Variants in PRC1 observed in about 807,000 individuals in gnomAD.
The protein encoded by PRC1 is anaphase spindle elongation 1 homolog.
A neutral mutation model predicts 91.2 loss-of-function variants in PRC1; 54 were observed. That is an observed-to-expected ratio of 0.59 (90% CI 0.48 to 0.74). The LOEUF (loss-of-function observed/expected upper bound fraction) is 0.74, where lower values mean the gene tolerates loss of function less well. Among genes scored for constraint, PRC1 ranks in the 30% least tolerant of loss-of-function variants. The pLI is 0.00. For synonymous variants in PRC1, 275 were observed against 263.6 expected, an observed-to-expected ratio of 1.04 and a Z score of -0.42; for missense variants, 727 against 746.2, an observed-to-expected ratio of 0.97 and a Z score of 0.30.
At chr15:90,967,590 C>A (rs1238586911) in intron 14 of PRC1, 1 of 165,806 alleles carries the variant, frequency 6.0e-6, no homozygotes, top group Non-Finnish European at 1.3e-5. Flanking sequence ...TACACAAATA[C>A]TTACCATTGC....
At chr15:90,976,638 T>G in intron 9 of PRC1, 38 bp downstream of exon 9, 2 of 1,485,032 alleles carry the variant, frequency 1.3e-6, no homozygotes, top group Non-Finnish European at 1.9e-6. Context: ...GAGGTATCTT[T>G]GTAACCAAGC....
chr15:90,989,607 A>C (rs1294733651), intron 1 of PRC1, among the ~76,000 whole-genome samples: 1 of 151,802 alleles, frequency 6.6e-6, no homozygotes, highest in East Asian at 1.9e-4. Context: ...GCCCAAAAGA[A>C]ATGAAAACAC....
intron 5 of PRC1, 30 bp from the exon 6 acceptor site, chr15:90,981,063 G>A (rs201945279): frequency 2.8e-5 from 45 of 1,612,606 alleles, no homozygotes; most frequent in Non-Finnish European, 3.6e-5. Flanking sequence ...TGTCACTCAC[G>A]GCAAAGCAGC....
rs1020383736 is a variant in PRC1 at position 90,974,587 on chromosome 15, T to C, written c.1348A>G (p.Arg450Gly). The change falls in exon 10 of 15, where the codon AGA becomes GGA. Residue 450 changes from arginine to glycine, a missense_variant and splice_region_variant. Transcript: ENST00000394249. The surrounding 1 kb of genome is among the most constrained non-coding windows in gnomAD (Gnocchi z 4.6). ...RLEKERAKQE[R>G]QLKNKKQTET... ...TTTGCGTTCACGTTCACACTTACTC[T>C]TTCCTGCTTGGCTCTCTCTTTCTCC... 1 of 1,614,196 alleles carries C rather than the reference T, an allele frequency of 6.2e-7. No homozygotes were observed. Among genetic ancestry groups the C allele is most frequent in the Non-Finnish European group, 8.5e-7 (1 of 1,180,044 alleles).
intron 11 of PRC1, among the ~76,000 whole-genome samples, chr15:90,972,204 A>AAC (rs2038207316): frequency 2.1e-5 from 3 of 140,104 alleles, no homozygotes; most frequent in South Asian, 2.4e-4. Flanking sequence ...AAAAAAAAAA[A>AAC]CACCACCAAC....
intron 13 of PRC1, 121 bp downstream of exon 13, chr15:90,969,326 G>A (rs2037842377): frequency 2.2e-6 from 3 of 1,347,632 alleles, no homozygotes; most frequent in Non-Finnish European, 2.0e-6. Context: ...AGCAGGAAAG[G>A]GATTCTCAGC....
Position 90,970,460 on chromosome 15 carries a change from A to T in PRC1, c.1516T>A (p.Phe506Ile). ...ATANSSIRPI[F>I]GGTVYHSPVS... ...GGGGAGTGGTAGACTGTCCCTCCAA[A>T]GATAGGCCGAATGCTACTATTGGCC... is the stretch of plus-strand genomic sequence containing the variant. The change falls in exon 12 of 15, where the codon TTT becomes ATT. Residue 506 changes from phenylalanine (F) to isoleucine (I), a missense_variant. By Grantham distance (21) the Phe-to-Ile change is conservative. Coordinates refer to ENST00000394249, the MANE Select transcript of PRC1 (RefSeq NM_003981.4). The T allele has an allele frequency of 6.2e-7, 1 of 1,613,992 alleles. No homozygotes were observed. Among genetic ancestry groups the T allele is most frequent in the Non-Finnish European group, 8.5e-7 (1 of 1,179,888 alleles).
chr15:90,969,314 AAAGCAGG>A (rs1466501329), intron 13 of PRC1, 126 bp downstream of exon 13: 1 of 1,309,526 alleles, frequency 7.6e-7, no homozygotes, highest in Non-Finnish European at 1.1e-6. Context: ...TGCCATGGTC[AAAGCAGG>A]AAAGGGATTC....
chr15:90,968,349 C>T, intron 14 of PRC1: 1 of 985,516 alleles, frequency 1.0e-6, no homozygotes, highest in Non-Finnish European at 1.2e-6. Flanking sequence ...CCTTGGCCAA[C>T]TGTTCCATTC....
intron 12 of PRC1, 97 bp from the exon 13 acceptor site, chr15:90,969,720 A>G (rs2037893108): frequency 4.4e-6 from 4 of 916,570 alleles, no homozygotes; most frequent in Non-Finnish European, 6.2e-6. Context: ...GACTATCTTT[A>G]TATTCATGTC....
At chr15:90,970,023 T>C (rs1488711453) in intron 12 of PRC1, among the ~76,000 whole-genome samples, 1 of 152,152 alleles carries the variant, frequency 6.6e-6, no homozygotes, top group Non-Finnish European at 1.5e-5. Context: ...CCACATACTT[T>C]CCACATCTCT....
chr15:90,976,659 C>T lies in PRC1; in HGVS notation c.1203+17G>A, dbSNP rs1272773745. The T allele has an allele frequency of 1.9e-6, 3 of 1,582,938 alleles. No homozygotes were observed. Among genetic ancestry groups the T allele is most frequent in the African/African-American group, 1.4e-5 (1 of 73,964 alleles). On this transcript the variant is annotated intron_variant, in intron 9 of 14. Transcript: ENST00000394249. The stretch of plus-strand genomic sequence containing the variant: ...TCTTTGTAACCAAGCATCAAAAACC[C>T]TTAGCAACATTATTACCTTGGGCAG...
intron 1 of PRC1, among the ~76,000 whole-genome samples, chr15:90,993,120 C>G (rs1278988734): frequency 2.7e-5 from 4 of 147,210 alleles, no homozygotes; most frequent in Non-Finnish European, 6.0e-5. Context: ...ATCCATTAGC[C>G]TGGAACCAAC....
In PRC1 at chr15:90,994,402, C is replaced by A; in HGVS notation, c.11+5G>T. 6.2e-7 allele frequency: 1 copy of A among 1,611,920 alleles called. No individual in the cohort carries two copies. The highest frequency in any genetic ancestry group is 1.3e-5 in the African/African-American group (1 of 74,764). ...GCGTCCCCTCGATTTCCCCGCAACC[C>A]GCACCTTCTCCTCATGGCGGACGCT... On this transcript the variant is annotated splice_donor_5th_base_variant and intron_variant, in intron 1 of 14. Transcript: ENST00000394249.
intron 13 of PRC1, 103 bp downstream of exon 13, chr15:90,969,344 G>A: frequency 7.1e-7 from 1 of 1,415,348 alleles, no homozygotes; most frequent in Non-Finnish European, 9.7e-7. Flanking sequence ...AGCCTCCAAG[G>A]TAGCTGCCCT....
At chr15:90,986,065 T>G (rs2039553063) in intron 1 of PRC1, 1 of 152,220 alleles carries the variant, frequency 6.6e-6, no homozygotes. Flanking sequence ...GGTGAGTATA[T>G]AGAAAAGTGA....
In PRC1 at chr15:90,966,944, G is replaced by A. The variant is rs991579370; in HGVS notation, c.*187C>T. ...ATATAAGTCAAAACCAAGTCTCCTA[G>A]GACCACTAAACCTATGATGGGCTTT... On this transcript the variant is annotated 3_prime_UTR_variant, in exon 15 of 15. Coordinates refer to ENST00000394249, the MANE Select transcript of PRC1 (RefSeq NM_003981.4). 1 of 611,788 alleles carries A rather than the reference G, an allele frequency of 1.6e-6. No homozygotes were observed. The highest frequency in any genetic ancestry group is 2.9e-6 in the Non-Finnish European group (1 of 344,940). 37.9% of individuals were successfully genotyped at this position (611,788 alleles called of 1,614,324 possible).
intron 1 of PRC1, among the ~76,000 whole-genome samples, chr15:90,993,133 T>G (rs894901954): frequency 2.8e-5 from 4 of 143,654 alleles, no homozygotes; most frequent in African/African-American, 1.0e-4. Context: ...GAACCAACAT[T>G]AAAGGGTAAG....
chr15:90,972,491 C>T (rs1196718902), intron 11 of PRC1, among the ~76,000 whole-genome samples: 1 of 152,190 alleles, frequency 6.6e-6, no homozygotes, highest in African/African-American at 2.4e-5. Context: ...CGCCTGTAAT[C>T]CCAGCACTTT....
Sources: allele counts gnomAD v4.1 joint callset (sites outside exome capture counted in the v4.1 genomes callset), GRCh38; gene constraint gnomAD v4.1.1; non-coding constraint Gnocchi (gnomAD v3.1); transcripts MANE v1.5; gene names NCBI Gene and HGNC (gene_info 2026-07-23, HGNC 2026-07-21).